ANK3: variants seen among roughly 807,000 people sequenced by gnomAD.
The protein encoded by ANK3 is ankyrin-3.
ANK3 carries 57 observed loss-of-function variants against 370.9 expected under a neutral mutation model. The observed-to-expected ratio is 0.15, with a 90% CI of 0.12 to 0.19. The LOEUF (loss-of-function observed/expected upper bound fraction) is 0.19. ANK3 is among the 10% of genes least tolerant of loss of function. ANK3 has a pLI of 1.00. For missense variants in ANK3, 4,439 were observed against 5,302.1 expected (o/e 0.84, Z 5.06); for synonymous variants, 1,929 against 1,946.3 (o/e 0.99, Z 0.23).
At chr10:60,348,366 AAAAAC>A (rs2056137223) in intron 1 of ANK3, among the ~76,000 whole-genome samples, 1 of 97,876 alleles carries the variant, frequency 1.0e-5, no homozygotes, top group African/African-American at 3.7e-5. Context: ...AAAAAAAAAA[AAAAAC>A]ACAAAAAACA....
rs186512813 is a variant in ANK3, at chr10:60,521,978, C to T, written c.96+93208G>A. 2.6e-3 allele frequency among the ~76,000 whole-genome samples: 398 copies of T among 152,198 alleles called. 2 individuals carry two copies. Among genetic ancestry groups the T allele is most frequent in the Non-Finnish European group, 1.7e-3 (116 of 67,988 alleles). ...GAGGGATGGAGGGGAGACTAGGTAG[C>T]ATTGCTGCCATTAAGGGACTAAGAA... On this transcript the variant is annotated intron_variant, in intron 2 of 43. Transcript: ENST00000373827.
chr10:60,218,370 A>C (rs1365128995), intron 8 of ANK3, among the ~76,000 whole-genome samples: 2 of 136,108 alleles, frequency 1.5e-5, no homozygotes, highest in African/African-American at 2.5e-5. Context: ...CTGTTTCCTC[A>C]TAGTTTCATT....
chr10:60,480,068 A>C (rs1208481549), intron 2 of ANK3, among the ~76,000 whole-genome samples: 1 of 152,104 alleles, frequency 6.6e-6, no homozygotes, highest in Non-Finnish European at 1.5e-5. Flanking sequence ...GTGGCCACTT[A>C]TGACCCCTGA....
intron 23 of ANK3, among the ~76,000 whole-genome samples, chr10:60,144,849 A>G (rs1408438065): frequency 6.6e-6 from 1 of 152,146 alleles, no homozygotes; most frequent in Non-Finnish European, 1.5e-5. Context: ...CATCCTCACA[A>G]TCTTTCATTA....
At chr10:60,459,248 G>A (rs989508182) in intron 2 of ANK3, among the ~76,000 whole-genome samples, 12 of 152,098 alleles carry the variant, frequency 7.9e-5, no homozygotes, top group African/African-American at 1.9e-4. Flanking sequence ...AGCTTTGAGC[G>A]TATTTTCAAT....
chr10:60,617,076 A>G (rs934211860), intron 1 of ANK3, among the ~76,000 whole-genome samples: 21 of 152,160 alleles, frequency 1.4e-4, no homozygotes, highest in Admixed American at 1.3e-4. Flanking sequence ...GTGTATCATA[A>G]TTATATAAAT....
At chr10:60,553,719 A>G (rs1296363806) in intron 2 of ANK3, among the ~76,000 whole-genome samples, 1 of 152,208 alleles carries the variant, frequency 6.6e-6, no homozygotes, top group East Asian at 1.9e-4. Context: ...TTGAACAATT[A>G]AAAGAGTAAA....
At chr10:60,249,414 A>G (rs1395365282) in intron 7 of ANK3, among the ~76,000 whole-genome samples, 1 of 152,198 alleles carries the variant, frequency 6.6e-6, no homozygotes, top group African/African-American at 2.4e-5. Flanking sequence ...CAAATTTTCT[A>G]TACTCCTGTA....
chr10:60,437,964 A>T (rs1403989716), intron 2 of ANK3, among the ~76,000 whole-genome samples: 2 of 152,190 alleles, frequency 1.3e-5, no homozygotes, highest in African/African-American at 2.4e-5. Context: ...TGCTTTTATT[A>T]AATTTCTAGC....
chr10:60,648,890 GC>G (rs1564485207), intron 1 of ANK3, among the ~76,000 whole-genome samples: 24 of 125,950 alleles, frequency 1.9e-4, no homozygotes, highest in Non-Finnish European at 1.7e-5. Context: ...TCCTGCTCCT[GC>G]TCCCCCAAAA....
At chr10:60,256,024 G>A (rs2018783) in intron 7 of ANK3, among the ~76,000 whole-genome samples, 72,762 of 151,996 alleles carry the variant, frequency 0.48, 18,340 homozygotes, top group South Asian at 0.6. Flanking sequence ...GTCACCAGAC[G>A]AACTCCAAGG....
intron 1 of ANK3, among the ~76,000 whole-genome samples, chr10:60,336,259 C>T (rs34723593): frequency 0.013 from 1,990 of 152,032 alleles, 26 homozygotes; most frequent in Middle Eastern, 0.024. Context: ...GAGAGTTGAG[C>T]ATATTTGCAG....
intron 5 of ANK3, among the ~76,000 whole-genome samples, chr10:60,266,190 T>C (rs2097875910): frequency 6.6e-6 from 1 of 152,212 alleles, no homozygotes; most frequent in African/African-American, 2.4e-5. Flanking sequence ...ATCATAGGTT[T>C]ACACTTAAAG....
intron 2 of ANK3, among the ~76,000 whole-genome samples, chr10:60,404,717 A>AG (rs2063418262): frequency 6.6e-6 from 1 of 152,186 alleles, no homozygotes; most frequent in African/African-American, 2.4e-5. Flanking sequence ...TTTAAAAAAA[A>AG]GTTAGACTTC....
chr10:60,103,614 C>T (rs1005768144), intron 28 of ANK3, among the ~76,000 whole-genome samples: 7 of 152,032 alleles, frequency 4.6e-5, no homozygotes, highest in African/African-American at 1.2e-4. Context: ...AACTGAGCTT[C>T]AATTATAAAA....
intron 7 of ANK3, among the ~76,000 whole-genome samples, chr10:60,255,868 G>C (rs796077491): frequency 4.6e-5 from 7 of 152,328 alleles, no homozygotes; most frequent in Admixed American, 1.3e-4. Flanking sequence ...CCCAGGTGTA[G>C]AGAAAACAGA....
intron 25 of ANK3, among the ~76,000 whole-genome samples, chr10:60,131,076 A>T (rs1343804677): frequency 1.3e-5 from 2 of 152,248 alleles, no homozygotes; most frequent in African/African-American, 4.8e-5. Context: ...TAATTCTGGA[A>T]AACTTCAGCA....
chr10:60,439,622 G>GTGAGCCTCAGGAATGCCATCCAAC (rs1265097957), intron 2 of ANK3, among the ~76,000 whole-genome samples: 2 of 152,186 alleles, frequency 1.3e-5, no homozygotes, highest in Non-Finnish European at 2.9e-5. Flanking sequence ...TTAAACCCTT[G>GTGAGCCTCAGGAATGCCATCCAAC]TGAGCCTCAG....
intron 25 of ANK3, among the ~76,000 whole-genome samples, chr10:60,121,125 T>C (rs965600450): frequency 6.6e-6 from 1 of 151,718 alleles, no homozygotes; most frequent in African/African-American, 2.4e-5. Context: ...CGCAACGGAG[T>C]ACTGTTCAGC....
Sources: allele counts gnomAD v4.1 joint callset (sites outside exome capture counted in the v4.1 genomes callset), GRCh38; gene constraint gnomAD v4.1.1; transcripts MANE v1.5; gene names NCBI Gene and HGNC (gene_info 2026-07-23, HGNC 2026-07-21).